ZNF385D: variants seen among roughly 807,000 people sequenced by gnomAD.
The protein encoded by ZNF385D is zinc finger protein 385D.
In ZNF385D, 15 loss-of-function variants were observed where a neutral mutation model predicts 35.8. The observed-to-expected ratio is 0.42, with a 90% confidence interval of 0.28 to 0.64. The LOEUF (loss-of-function observed/expected upper bound fraction) is 0.64. Among genes scored for constraint, ZNF385D ranks in the 30% least tolerant of loss-of-function variants. The pLI is 0.23. For synonymous variants in ZNF385D, 212 were observed against 186.8 expected, an observed-to-expected ratio of 1.13 and a Z score of -1.10; for missense variants, 474 against 494.6, an observed-to-expected ratio of 0.96 and a Z score of 0.39.
intron 3 of ZNF385D, among the ~76,000 whole-genome samples, chr3:22,064,759 G>T (rs1576250903): frequency 1.3e-5 from 2 of 152,148 alleles, no homozygotes; most frequent in Admixed American, 6.6e-5. Context: ...GTAGTATAAT[G>T]GTGGCTGCCA....
At chr3:21,910,879 T>G (rs977706643) in intron 3 of ZNF385D, among the ~76,000 whole-genome samples, 1 of 151,794 alleles carries the variant, frequency 6.6e-6, no homozygotes, top group African/African-American at 2.4e-5. Flanking sequence ...TTAAATTTAG[T>G]TTTTGAATTT....
intron 3 of ZNF385D, among the ~76,000 whole-genome samples, chr3:21,864,373 C>T (rs1253153016): frequency 6.6e-6 from 1 of 152,108 alleles, no homozygotes; most frequent in African/African-American, 2.4e-5. Flanking sequence ...TCTCTGAGTA[C>T]CAACTACATA....
At chr3:21,905,205 C>CAAAAAAAAAAAAAAAAAAAA (rs63147760) in intron 3 of ZNF385D, among the ~76,000 whole-genome samples, 13 of 69,716 alleles carry the variant, frequency 1.9e-4, no homozygotes, top group East Asian at 3.7e-4. Flanking sequence ...ACAAAAAATC[C>CAAAAAAAAAAAAAAAAAAAA]AAAAAAAAAA....
chr3:22,071,532 G>A (rs141301482), intron 3 of ZNF385D, among the ~76,000 whole-genome samples: 73 of 152,242 alleles, frequency 4.8e-4, no homozygotes, highest in African/African-American at 1.6e-3. Flanking sequence ...GCTCTAAGGA[G>A]CCACCTTTGA....
chr3:22,331,412 GAATAA>G (rs1481544493), intron 2 of ZNF385D, among the ~76,000 whole-genome samples: 30 of 151,890 alleles, frequency 2.0e-4, no homozygotes, highest in Admixed American at 2.6e-4. Context: ...ACAGTAATAT[GAATAA>G]AACAAAAAGA....
intron 4 of ZNF385D, among the ~76,000 whole-genome samples, chr3:21,443,665 T>C (rs945928654): frequency 1.3e-5 from 2 of 152,158 alleles, no homozygotes; most frequent in Non-Finnish European, 2.9e-5. Flanking sequence ...GGTAGTTCCA[T>C]GCAAAAAGTA....
intron 2 of ZNF385D, among the ~76,000 whole-genome samples, chr3:21,581,311 C>A (rs12637139): frequency 0.18 from 27,815 of 152,086 alleles, 2,974 homozygotes; most frequent in Middle Eastern, 0.25. Context: ...ATCTCTCCCT[C>A]CAAATGCAAT....
chr3:21,513,204 T>C lies in ZNF385D; in HGVS notation c.277-2181A>G, dbSNP rs114542883. 9.9e-3 allele frequency among the ~76,000 whole-genome samples: 1,510 copies of C among 152,072 alleles called. 25 individuals are homozygous for C. The highest frequency in any genetic ancestry group is 0.035 in the African/African-American group (1,444 of 41,496). ...GGAAGCCCACAAGTTAAGAAAGTCT[T>C]ACACCAAAAAACAAAAACAAAAACA... On this transcript the variant is annotated intron_variant, in intron 3 of 7. Transcript: ENST00000281523.
intron 4 of ZNF385D, among the ~76,000 whole-genome samples, chr3:21,496,454 G>GAT (rs1258838448): frequency 9.3e-6 from 1 of 107,620 alleles, no homozygotes; most frequent in Non-Finnish European, 1.9e-5. Flanking sequence ...ACACATATTT[G>GAT]ATATATATAT....
intron 4 of ZNF385D, among the ~76,000 whole-genome samples, chr3:21,482,271 A>G (rs1377927546): frequency 6.6e-6 from 1 of 150,962 alleles, no homozygotes; most frequent in Non-Finnish European, 1.5e-5. Flanking sequence ...AGGGTGACCC[A>G]TGGGTCAAAT....
At chr3:22,262,762 TA>T (rs367931744) in intron 2 of ZNF385D, among the ~76,000 whole-genome samples, 23 of 151,074 alleles carry the variant, frequency 1.5e-4, no homozygotes, top group African/African-American at 4.8e-4. Flanking sequence ...TTTTGAGGAT[TA>T]AAAAAAAAGA....
intron 2 of ZNF385D, among the ~76,000 whole-genome samples, chr3:21,615,452 A>G (rs2064818035): frequency 6.6e-6 from 1 of 152,206 alleles, no homozygotes; most frequent in African/African-American, 2.4e-5. Context: ...AAAATATACT[A>G]ATAACAGTGG....
At chr3:22,110,538 AC>A (rs1477770323) in intron 3 of ZNF385D, among the ~76,000 whole-genome samples, 7 of 152,066 alleles carry the variant, frequency 4.6e-5, no homozygotes, top group African/African-American at 1.7e-4. Flanking sequence ...TATCACAAGG[AC>A]AAAAAACCAA....
At chr3:22,041,297 A>T (rs76687366) in intron 3 of ZNF385D, among the ~76,000 whole-genome samples, 1,547 of 152,268 alleles carry the variant, frequency 0.01, 30 homozygotes, top group African/African-American at 0.035. Context: ...ATAGCCAGGC[A>T]TCTATAGTAC....
chr3:21,764,616 C>T (rs1305834208), intron 3 of ZNF385D, among the ~76,000 whole-genome samples: 1 of 152,096 alleles, frequency 6.6e-6, no homozygotes, highest in Non-Finnish European at 1.5e-5. Flanking sequence ...AATCCAACCA[C>T]TTTTAGAGTA....
intron 3 of ZNF385D, among the ~76,000 whole-genome samples, chr3:22,001,048 C>A (rs1695811771): frequency 6.6e-6 from 1 of 151,780 alleles, no homozygotes; most frequent in South Asian, 2.1e-4. Flanking sequence ...AATCAATGAA[C>A]TGCAATGAGA....
intron 3 of ZNF385D, among the ~76,000 whole-genome samples, chr3:22,014,999 T>C (rs1406423346): frequency 6.6e-6 from 1 of 151,960 alleles, no homozygotes; most frequent in Non-Finnish European, 1.5e-5. Context: ...CATACATGTC[T>C]TTGTTGTTTG....
intron 3 of ZNF385D, among the ~76,000 whole-genome samples, chr3:21,560,885 C>T (rs2062919788): frequency 6.6e-6 from 1 of 152,124 alleles, no homozygotes; most frequent in Non-Finnish European, 1.5e-5. Context: ...GCCACAGGGG[C>T]CTTGCTGAGC....
chr3:21,972,081 C>T (rs1451978268), intron 3 of ZNF385D, among the ~76,000 whole-genome samples: 1 of 151,876 alleles, frequency 6.6e-6, no homozygotes, highest in East Asian at 1.9e-4. Flanking sequence ...AAAAATTGAA[C>T]TTGATATGCA....
Sources: gnomAD v4.1 joint callset for allele counts (sites outside exome capture counted in the v4.1 genomes callset) on GRCh38, gnomAD v4.1.1 for gene constraint, MANE v1.5 for transcripts, NCBI Gene and HGNC (gene_info 2026-07-23, HGNC 2026-07-21) for gene names.